MADD: variants seen among roughly 807,000 people sequenced by gnomAD.
MADD encodes MAP kinase-activating death domain protein.
In MADD, 109 loss-of-function variants were observed where a neutral mutation model predicts 176.7. The ratio of observed to expected loss-of-function variants is 0.62; its 90% CI spans 0.53 to 0.72. The LOEUF is 0.72. Among genes scored for constraint, MADD ranks in the 30% least tolerant of loss-of-function variants. MADD has a pLI of 0.00. For synonymous variants in MADD, 771 were observed against 771.3 expected (o/e 1.00, Z 0.01); for missense variants, 1,914 against 2,045.5 (o/e 0.94, Z 1.24).
intron 22 of MADD, among the ~76,000 whole-genome samples, chr11:47,296,772 T>G (rs1351987244): frequency 1.5e-4 from 22 of 149,606 alleles, no homozygotes; most frequent in African/African-American, 5.2e-4. Context: ...TTGTTTTTTT[T>G]TTTTTTTTTT....
At chr11:47,314,699 C>T (rs774140620) in intron 26 of MADD, among the ~76,000 whole-genome samples, 7 of 152,174 alleles carry the variant, frequency 4.6e-5, no homozygotes, top group Admixed American at 2.0e-4. Flanking sequence ...AATCCTCTTC[C>T]ATTTTCCAAA....
intron 7 of MADD, among the ~76,000 whole-genome samples, chr11:47,279,659 G>A (rs566513633): frequency 1.3e-5 from 2 of 151,970 alleles, no homozygotes; most frequent in Middle Eastern, 3.4e-3. Context: ...GATTACAGGC[G>A]TGAGCCACTG....
In MADD at chr11:47,309,315, A is replaced by G. The variant is rs779426782; in HGVS notation, c.3786A>G (p.Gln1262=). ...GTTCTACTTTATGGGACCAAATGCA[A>G]TTCTGGGAAGATGCCTTCTTAGATG... The change falls in exon 24 of 33, where the codon CAA becomes CAG. Residue 1262 remains glutamine (Q), a synonymous_variant. Coordinates refer to ENST00000402192, the Ensembl canonical transcript of MADD. 12 of 1,614,122 alleles carry G rather than the reference A, an allele frequency of 7.4e-6. No individual in the cohort carries two copies. The Admixed American group carries it at 1.0e-4, about 13-fold the overall frequency.
chr11:47,322,202 C>T (rs2094571956), intron 27 of MADD, among the ~76,000 whole-genome samples: 1 of 152,112 alleles, frequency 6.6e-6, no homozygotes, highest in African/African-American at 2.4e-5. Context: ...TGAACTTGCT[C>T]AGGGTGGCAC....
At position 47,282,298 on chromosome 11, in the gene MADD, G is replaced by C. The variant is rs534108936; in HGVS notation, c.1470-83G>C. 304 of 1,083,118 alleles carry C rather than the reference G, an allele frequency of 2.8e-4. 1 individual carries two copies. Among genetic ancestry groups the C allele is most frequent in the Non-Finnish European group, 3.9e-4 (280 of 710,200 alleles). 67.1% of individuals were successfully genotyped at this position (1,083,118 alleles called of 1,614,324 possible). On this transcript the variant is annotated intron_variant, in intron 8 of 32. Coordinates refer to ENST00000402192, the Ensembl canonical transcript of MADD. ...GATGTTGGAAGCCTGTTAAGTGATG[G>C]CTTTGGGAGGTGTTCTAAGACTTTG...
chr11:47,284,328 G>A (rs764242647), intron 11 of MADD, 47 bp downstream of exon 11: 6 of 1,613,276 alleles, frequency 3.7e-6, no homozygotes, highest in Non-Finnish European at 5.1e-6. Context: ...GGGGTTGGGG[G>A]CCCAAGGATG....
chr11:47,295,656 T>G, intron 21 of MADD, 77 bp downstream of exon 23: 1 of 1,600,478 alleles, frequency 6.2e-7, no homozygotes, highest in Non-Finnish European at 8.5e-7. Flanking sequence ...ACTTTCTCTT[T>G]GGAGGCTGCT....
exon 8 of MADD, chr11:47,281,684 C>T (rs1349663729): frequency 1.9e-6 from 3 of 1,613,508 alleles, no homozygotes; most frequent in Non-Finnish European, 2.5e-6. Flanking sequence ...GACCTGCAGT[C>T]CACACCGTCC....
chr11:47,273,780 C>A, intron 1 of MADD, 47 bp from the exon 2 acceptor site: 1 of 697,754 alleles, frequency 1.4e-6, no homozygotes, highest in Non-Finnish European at 2.5e-6. Context: ...AGGGATGAGT[C>A]CCTTAGGCAC....
rs930607631 is a variant in MADD at position 47,328,256 on chromosome 11, C to T, written c.4613-402C>T. ...TCACGGGTGTCTCAGCAAAGTTGGA[C>T]ACAAGCTAGAGAGAGCTCTCTCCTC... On this transcript the variant is annotated intron_variant, in intron 31 of 32. Transcript: ENST00000402192. 2.0e-5 allele frequency: 22 copies of T among 1,107,980 alleles called. No homozygotes were observed. In the African/African-American group the frequency reaches 3.6e-4, roughly 18 times the overall value. 68.6% of individuals were successfully genotyped at this position (1,107,980 alleles called of 1,614,324 possible).
intron 15 of MADD, among the ~76,000 whole-genome samples, chr11:47,288,065 G>A (rs2062084688): frequency 6.6e-6 from 1 of 152,152 alleles, no homozygotes; most frequent in Non-Finnish European, 1.5e-5. Context: ...GGGATTACAG[G>A]CGTGAGCCAC....
chr11:47,319,874 C>T (rs1326329535), intron 27 of MADD, among the ~76,000 whole-genome samples: 7 of 151,782 alleles, frequency 4.6e-5, no homozygotes, highest in Non-Finnish European at 8.8e-5. Context: ...CGCCTGCAAT[C>T]CCAGCTACAT....
chr11:47,328,872 G>GAC (rs557584632), intron 32 of MADD, among the ~76,000 whole-genome samples, 168 bp downstream of exon 36: 7 of 152,102 alleles, frequency 4.6e-5, no homozygotes, highest in African/African-American at 9.7e-5. Context: ...CTGAGAGACA[G>GAC]ACACACACAC....
chr11:47,279,134 T>C, intron 7 of MADD, 55 bp downstream of exon 7: 1 of 1,525,802 alleles, frequency 6.6e-7, no homozygotes, highest in Non-Finnish European at 9.0e-7. Flanking sequence ...GGGATTCCTA[T>C]AAGAAGACAG....
intron 6 of MADD, among the ~76,000 whole-genome samples, chr11:47,278,568 A>T (rs1387623061): frequency 6.6e-6 from 1 of 151,698 alleles, no homozygotes; most frequent in Non-Finnish European, 1.5e-5. Context: ...GGGCCATTAC[A>T]TGTGGTATAG....
chr11:47,327,867 G>C, intron 31 of MADD: 4 of 985,434 alleles, frequency 4.1e-6, no homozygotes, highest in Non-Finnish European at 3.6e-6. Context: ...TGGTGGCTGA[G>C]CCTGGGGGGC....
intron 23 of MADD, 90 bp downstream of exon 26, chr11:47,309,132 A>G: frequency 6.5e-7 from 1 of 1,549,884 alleles, no homozygotes; most frequent in Non-Finnish European, 8.9e-7. Context: ...GGTGGCAGGC[A>G]TGTTAGATCT....
intron 22 of MADD, among the ~76,000 whole-genome samples, chr11:47,302,909 T>G (rs1565459677): frequency 6.6e-6 from 1 of 152,224 alleles, no homozygotes; most frequent in Non-Finnish European, 1.5e-5. Context: ...CTCCTTTGTG[T>G]GTCTGTTCTA....
chr11:47,328,466 C>T, intron 31 of MADD, 192 bp from the exon 36 acceptor site: 2 of 1,454,922 alleles, frequency 1.4e-6, no homozygotes, highest in Non-Finnish European at 1.8e-6. Flanking sequence ...GGGCCATGTC[C>T]TCCCAGCTGG....
Sources: gnomAD v4.1 joint callset for allele counts (sites outside exome capture counted in the v4.1 genomes callset) on GRCh38, gnomAD v4.1.1 for gene constraint, MANE v1.5 for transcripts, NCBI Gene and HGNC (gene_info 2026-07-23, HGNC 2026-07-21) for gene names.